LRRK2: variants seen among roughly 807,000 people sequenced by gnomAD.
LRRK2 encodes the protein leucine rich repeat kinase 2.
A neutral mutation model predicts 302.6 loss-of-function variants in LRRK2; 203 were observed. The ratio of observed to expected loss-of-function variants is 0.67; its 90% CI spans 0.60 to 0.75. LRRK2 has a LOEUF of 0.75. Among genes scored for constraint, LRRK2 ranks in the 30% least tolerant of loss-of-function variants. The pLI, the probability that LRRK2 is intolerant of heterozygous loss-of-function variation, is 0.00. For missense variants in LRRK2, 2,830 were observed against 2,951.0 expected, an observed-to-expected ratio of 0.96 and a Z score of 0.95; for synonymous variants, 1,066 against 1,031.9, an observed-to-expected ratio of 1.03 and a Z score of -0.63.
rs1339730083 is a variant in LRRK2, at chr12:40,274,998, G to T, written c.1941+5G>T. 3 of 1,613,620 alleles carry T rather than the reference G, an allele frequency of 1.9e-6. No individual in the cohort carries two copies. The African/African-American group carries it at 4.0e-5, about 22-fold the overall frequency. On this transcript the variant is annotated splice_donor_5th_base_variant and intron_variant, in intron 16 of 50. Coordinates refer to ENST00000298910, the MANE Select transcript of LRRK2 (RefSeq NM_198578.4). Reference sequence around the variant, plus strand: ...GTTGCTGAAATACAGACTAAAGTATGTGCATTATCTTGGAAAGAATTTGGG... The same window carrying T: ...GTTGCTGAAATACAGACTAAAGTATTTGCATTATCTTGGAAAGAATTTGGG...
rs542221307 is a variant in LRRK2 at position 40,363,689 on chromosome 12, C to T, written c.7181+135C>T. Reference sequence around the variant, plus strand: ...AAAATGCAGAAAAAAATTTGTAATGCTTCTCAGCACCATCTTTTCAGATCA... The same window carrying T: ...AAAATGCAGAAAAAAATTTGTAATGTTTCTCAGCACCATCTTTTCAGATCA... On this transcript the variant is annotated intron_variant, in intron 48 of 50. Coordinates refer to ENST00000298910, the MANE Select transcript of LRRK2 (RefSeq NM_198578.4). The T allele has an allele frequency of 6.5e-5, 57 of 875,914 alleles. No individual in the cohort carries two copies. In the South Asian group the frequency reaches 9.0e-4, roughly 14 times the overall value. The allele number at this position is 875,914 out of a possible 1,614,324, so 54.3% of individuals were successfully genotyped here.
chr12:40,354,800 T>G (rs969198076), intron 45 of LRRK2, among the ~76,000 whole-genome samples: 1 of 151,942 alleles, frequency 6.6e-6, no homozygotes, highest in African/African-American at 2.4e-5. Flanking sequence ...GTAGGGCCTC[T>G]TCAAGGATAA....
At position 40,310,458 on chromosome 12, in the gene LRRK2, C is replaced by G. The variant is rs753827163; in HGVS notation, c.4345C>G (p.Leu1449Val). 1.2e-6 allele frequency: 2 copies of G among 1,612,978 alleles called. No individual in the cohort carries two copies. The highest frequency in any genetic ancestry group is 2.2e-5 in the South Asian group (2 of 91,000). ...KARASSSPVI[L>V]VGTHLDVSDE... ...TCGCGCTTCTTCTTCCCCTGTGATT[C>G]TCGTTGGCACACATTTGGATGTTTC... The change falls in exon 31 of 51, where the codon CTC (leucine) becomes GTC (valine). Residue 1449 changes from leucine (L) to valine (V), a missense_variant. Coordinates refer to ENST00000298910, the MANE Select transcript of LRRK2 (RefSeq NM_198578.4).
intron 4 of LRRK2, 51 bp downstream of exon 4, chr12:40,235,765 A>C: frequency 9.8e-7 from 1 of 1,018,818 alleles, no homozygotes; most frequent in Non-Finnish European, 1.5e-6. Context: ...AAAAAAGTTG[A>C]TACCATTAAG....
At chr12:40,352,088 A>G (rs1946369805) in intron 44 of LRRK2, among the ~76,000 whole-genome samples, 1 of 152,200 alleles carries the variant, frequency 6.6e-6, no homozygotes, top group Non-Finnish European at 1.5e-5. Context: ...CTGGAATATG[A>G]ATAGGAGCAC....
intron 27 of LRRK2, 44 bp downstream of exon 27, chr12:40,304,178 C>A (rs769033230): frequency 5.1e-6 from 8 of 1,566,868 alleles, no homozygotes; most frequent in Non-Finnish European, 7.0e-6. Context: ...TTATGATTTG[C>A]ATCATTACAA....
At chr12:40,247,129 G>T (rs1023505116) in intron 7 of LRRK2, among the ~76,000 whole-genome samples, 2 of 151,982 alleles carry the variant, frequency 1.3e-5, no homozygotes, top group African/African-American at 4.8e-5. Flanking sequence ...AAAACTAATT[G>T]ACATGTCTCC....
At position 40,359,383 on chromosome 12, in the gene LRRK2, A is replaced by T. The variant is rs779996415; in HGVS notation, c.6967A>T (p.Ile2323Phe). The T allele has an allele frequency of 3.1e-6, 5 of 1,613,166 alleles. No homozygotes were observed. In the East Asian group the frequency reaches 8.9e-5, roughly 29 times the overall value. Residue 2323 changes from isoleucine (I) to phenylalanine (F), a missense_variant, in exon 47 of 51, where the codon ATT becomes TTT. This residue lies in a region of LRRK2 where 456 missense variants were observed against 456.3 expected (regional missense o/e 1.00). Transcript: ENST00000298910. ...NVMWGGCGTK[I>F]FSFSNDFTIQ... is the part of the protein sequence containing the mutation. ...AATGTGGGGAGGATGTGGCACAAAG[A>T]TTTTCTCCTTTTCTAATGATTTCAC...
At chr12:40,342,157 C>G (rs1946064054) in intron 41 of LRRK2, among the ~76,000 whole-genome samples, 1 of 152,140 alleles carries the variant, frequency 6.6e-6, no homozygotes, top group East Asian at 1.9e-4. Context: ...CTCTCGGGTC[C>G]CTGTGGGCTG....
chr12:40,241,399 ATTAAT>A (rs2136434127), intron 6 of LRRK2, among the ~76,000 whole-genome samples: 1 of 149,692 alleles, frequency 6.7e-6, no homozygotes, highest in East Asian at 2.0e-4. Context: ...ATCAGAAGAA[ATTAAT>A]TTGATGTGTA....
chr12:40,323,079 TA>T (rs1565751315), intron 37 of LRRK2, 80 bp from the exon 38 acceptor site: 15 of 1,164,522 alleles, frequency 1.3e-5, no homozygotes, highest in Non-Finnish European at 1.8e-5. Flanking sequence ...AATATTCCAT[TA>T]TTTTTTCACA....
intron 13 of LRRK2, among the ~76,000 whole-genome samples, chr12:40,261,548 C>A (rs980489842): frequency 3.3e-5 from 5 of 152,070 alleles, no homozygotes; most frequent in African/African-American, 1.2e-4. Context: ...AAGGCTTAAT[C>A]ATTTACTGTA....
At chr12:40,306,271 A>G (rs1435998303) in intron 28 of LRRK2, among the ~76,000 whole-genome samples, 1 of 152,000 alleles carries the variant, frequency 6.6e-6, no homozygotes, top group Non-Finnish European at 1.5e-5. Context: ...TACCAATTAC[A>G]CAATCTAAAG....
In LRRK2 at chr12:40,364,877, A is replaced by C. The variant is rs761553790; in HGVS notation, c.7217A>C (p.His2406Pro). 6.2e-7 allele frequency: 1 copy of C among 1,612,376 alleles called. No homozygotes were observed. The highest frequency in any genetic ancestry group is 1.1e-5 in the South Asian group (1 of 91,036). Reference sequence around the variant, plus strand: ...GTAAAAGAAAACAAGGAATCAAAACACAAAATGTCTTATTCTGGGAGAGTG... The same window carrying C: ...GTAAAAGAAAACAAGGAATCAAAACCCAAAATGTCTTATTCTGGGAGAGTG... Reference protein sequence around the residue: ...VMVKENKESKHKMSYSGRVKT... With the variant: ...VMVKENKESKPKMSYSGRVKT... Residue 2406 changes from histidine (H) to proline (P), a missense_variant, in exon 49 of 51, where the codon CAC (histidine) becomes CCC (proline). By Grantham distance (77) the His-to-Pro change is moderately conservative. Around this residue, in one of 3 missense-constraint regions of LRRK2, gnomAD observed 456 missense variants for 456.3 expected, o/e 1.00. Transcript: ENST00000298910.
intron 46 of LRRK2, among the ~76,000 whole-genome samples, chr12:40,357,833 C>T (rs894247568): frequency 6.6e-6 from 1 of 152,164 alleles, no homozygotes; most frequent in African/African-American, 2.4e-5. Context: ...CTCACAGTGG[C>T]ATGATCATAG....
At chr12:40,265,257 A>T (rs1304588619) in intron 14 of LRRK2, among the ~76,000 whole-genome samples, 1 of 152,186 alleles carries the variant, frequency 6.6e-6, no homozygotes, top group African/African-American at 2.4e-5. Context: ...AGATAAATAA[A>T]TATGCTTTGT....
chr12:40,295,587 T>A lies in LRRK2; in HGVS notation c.3039T>A (p.Leu1013=). Residue 1013 remains leucine (L), a synonymous_variant, in exon 23 of 51, where the codon CTT becomes CTA. Coordinates refer to ENST00000298910, the MANE Select transcript of LRRK2 (RefSeq NM_198578.4). ...GTATAAGTGTTCATTTGGAGCATCT[T>A]GAAAAGCTGGAGCTTCACCAGAATG... is the stretch of plus-strand genomic sequence containing the variant. The part of the protein sequence containing the change: ...KCCISVHLEH[L]EKLELHQNAL... The A allele has an allele frequency of 6.2e-7, 1 of 1,614,018 alleles. No individual in the cohort carries two copies. The highest frequency in any genetic ancestry group is 2.2e-5 in the East Asian group (1 of 44,870).
chr12:40,333,630 A>G (rs985301648), intron 39 of LRRK2, among the ~76,000 whole-genome samples: 38 of 151,282 alleles, frequency 2.5e-4, no homozygotes, highest in African/African-American at 8.7e-4. Flanking sequence ...GCCATGGGCC[A>G]CCCTTACTAA....
chr12:40,248,607 C>G (rs892346635), intron 7 of LRRK2, among the ~76,000 whole-genome samples: 25 of 152,070 alleles, frequency 1.6e-4, no homozygotes, highest in African/African-American at 5.8e-4. Flanking sequence ...AAATTAAAAC[C>G]TCAAGTAAAT....
Sources: gnomAD v4.1 joint callset for allele counts (sites outside exome capture counted in the v4.1 genomes callset) on GRCh38, gnomAD v4.1.1 for gene constraint, gnomAD v4.1.1 regional missense constraint, MANE v1.5 for transcripts, NCBI Gene and HGNC (gene_info 2026-07-23, HGNC 2026-07-21) for gene names.